The following ZNF704 variants were observed in gnomAD, a reference collection of about 807,000 sequenced individuals.
ZNF704 encodes the protein zinc finger protein 704, also known as glucocorticoid induced gene 1.
A neutral mutation model predicts 44.7 loss-of-function variants in ZNF704; 10 were observed. The observed-to-expected ratio is 0.22, with a 90% CI of 0.14 to 0.38. The LOEUF is 0.38. Among genes scored for constraint, ZNF704 ranks in the 10% least tolerant of loss-of-function variants. The pLI, the probability that ZNF704 is intolerant of heterozygous loss-of-function variation, is 1.00. For synonymous variants in ZNF704, 211 were observed against 207.6 expected (o/e 1.02, Z -0.14); for missense variants, 390 against 545.5 (o/e 0.71, Z 2.84).
chr8:80,870,748 A>G (rs1273950691), intron 1 of ZNF704, among the ~76,000 whole-genome samples: 1 of 151,868 alleles, frequency 6.6e-6, no homozygotes, highest in Non-Finnish European at 1.5e-5. Flanking sequence ...GCACTCCCTT[A>G]AAGCCCCCAG....
At chr8:80,718,164 A>G (rs1819100974) in intron 2 of ZNF704, among the ~76,000 whole-genome samples, 1 of 150,918 alleles carries the variant, frequency 6.6e-6, no homozygotes, top group Non-Finnish European at 1.5e-5. Context: ...TCTTTGTGGT[A>G]CTCACTCTAT....
At chr8:80,735,328 C>T (rs1400024314) in intron 2 of ZNF704, among the ~76,000 whole-genome samples, 1 of 152,194 alleles carries the variant, frequency 6.6e-6, no homozygotes, top group Non-Finnish European at 1.5e-5. Flanking sequence ...CAAATGCTAC[C>T]TTCTCCTACA....
At chr8:80,816,483 C>G (rs1808178763) in intron 2 of ZNF704, among the ~76,000 whole-genome samples, 1 of 152,168 alleles carries the variant, frequency 6.6e-6, no homozygotes, top group African/African-American at 2.4e-5. Context: ...ATGGATGAAC[C>G]TTTCAAACAT....
intron 2 of ZNF704, among the ~76,000 whole-genome samples, chr8:80,762,324 G>C (rs1202609984): frequency 2.0e-5 from 3 of 152,162 alleles, no homozygotes; most frequent in Non-Finnish European, 2.9e-5. Flanking sequence ...ATTTATAAAG[G>C]AAAGAGGTTT....
In ZNF704 at chr8:80,659,605, C is replaced by A. The variant is rs1049030695; in HGVS notation, c.1012G>T (p.Val338Phe). The change falls in exon 7 of 9, where the codon GTC becomes TTC. Residue 338 changes from valine (V) to phenylalanine (F), a missense_variant. Around this residue, in one of 3 missense-constraint regions of ZNF704, gnomAD observed 305 missense variants for 435.7 expected, o/e 0.70. Transcript: ENST00000327835. ...SFSISWQSPP[V>F]TFTGIPVSPT... ...CTTACTGGGATGCCTGTGAAAGTGACCGGAGGAGATTGCCAGGAAATGCTG... is the reference window on the plus strand; with the variant it reads ...CTTACTGGGATGCCTGTGAAAGTGAACGGAGGAGATTGCCAGGAAATGCTG... The A allele has an allele frequency of 1.2e-6, 2 of 1,613,828 alleles. No individual in the cohort carries two copies. The highest frequency in any genetic ancestry group is 1.7e-6 in the Non-Finnish European group (2 of 1,179,872).
chr8:80,702,841 C>A (rs963197618), intron 2 of ZNF704, among the ~76,000 whole-genome samples: 1 of 151,928 alleles, frequency 6.6e-6, no homozygotes, highest in Non-Finnish European at 1.5e-5. Context: ...TCGGAAATGG[C>A]GAGGCTGATG....
At chr8:80,666,212 G>A (rs1818192082) in intron 5 of ZNF704, among the ~76,000 whole-genome samples, 1 of 145,942 alleles carries the variant, frequency 6.9e-6, no homozygotes, top group African/African-American at 2.6e-5. Flanking sequence ...AGAATATGCA[G>A]TGTTTGGTTT....
chr8:80,666,378 G>C (rs1818195005), intron 5 of ZNF704, among the ~76,000 whole-genome samples: 1 of 151,826 alleles, frequency 6.6e-6, no homozygotes, highest in Admixed American at 6.6e-5. Flanking sequence ...TGGACATTTG[G>C]GTTTATTCCA....
chr8:80,687,572 C>T (rs548748980), intron 3 of ZNF704, 114 bp from the exon 4 acceptor site: 1 of 710,190 alleles, frequency 1.4e-6, no homozygotes, highest in South Asian at 2.1e-5. Context: ...CCCTCTCAAT[C>T]ATCTGCAACA....
intron 7 of ZNF704, among the ~76,000 whole-genome samples, chr8:80,651,580 A>G (rs1817920593): frequency 6.6e-6 from 1 of 152,246 alleles, no homozygotes; most frequent in Admixed American, 6.5e-5. Flanking sequence ...AGGCCATTAC[A>G]TAATGGTGAA....
At chr8:80,669,540 T>C (rs561381490) in intron 5 of ZNF704, among the ~76,000 whole-genome samples, 3 of 152,326 alleles carry the variant, frequency 2.0e-5, no homozygotes, top group East Asian at 1.9e-4. Context: ...GCCACCCTCA[T>C]AGATTACCTT....
chr8:80,878,571 A>G (rs928970080), upstream of ZNF704, among the ~76,000 whole-genome samples: 2 of 152,222 alleles, frequency 1.3e-5, no homozygotes, highest in African/African-American at 2.4e-5. Flanking sequence ...TGAAAGTAAG[A>G]TTAGCTTAGT....
intron 4 of ZNF704, among the ~76,000 whole-genome samples, chr8:80,684,565 T>C (rs577714966): frequency 1.3e-5 from 2 of 152,292 alleles, no homozygotes; most frequent in African/African-American, 4.8e-5. Context: ...TAAGATGAAC[T>C]CAGAAAGTTC....
At chr8:80,752,635 G>A (rs967845496) in intron 2 of ZNF704, among the ~76,000 whole-genome samples, 2 of 152,008 alleles carry the variant, frequency 1.3e-5, no homozygotes, top group South Asian at 2.1e-4. Context: ...TCCACCTCCC[G>A]GGTTCAAGTG....
At chr8:80,755,521 A>G (rs1807020293) in intron 2 of ZNF704, among the ~76,000 whole-genome samples, 1 of 152,192 alleles carries the variant, frequency 6.6e-6, no homozygotes, top group South Asian at 2.1e-4. Context: ...GAAAACAGAC[A>G]TGACTACTGA....
chr8:80,663,459 A>G (rs1818133630), intron 6 of ZNF704, among the ~76,000 whole-genome samples: 1 of 151,838 alleles, frequency 6.6e-6, no homozygotes, highest in African/African-American at 2.4e-5. Flanking sequence ...GTCTTCTCAG[A>G]CTTTAGCATG....
intron 1 of ZNF704, among the ~76,000 whole-genome samples, chr8:80,832,210 T>G (rs187840394): frequency 6.6e-6 from 1 of 152,290 alleles, no homozygotes; most frequent in African/African-American, 2.4e-5. Flanking sequence ...TTGGGGAAAT[T>G]GCCATTTTTT....
upstream of ZNF704, among the ~76,000 whole-genome samples, chr8:80,875,931 A>C (rs1182163584): frequency 6.6e-6 from 1 of 152,152 alleles, no homozygotes; most frequent in Non-Finnish European, 1.5e-5. Context: ...CTCTCATTAT[A>C]ATCATTTGAG....
At chr8:80,821,272 A>C (rs1324320502) in intron 2 of ZNF704, 102 bp downstream of exon 2, 13 of 1,238,672 alleles carry the variant, frequency 1.0e-5, no homozygotes, top group African/African-American at 1.5e-5. Flanking sequence ...AAAACCTTTC[A>C]TATGTCTATA....
Sources: gnomAD v4.1 joint callset for allele counts (sites outside exome capture counted in the v4.1 genomes callset) on GRCh38, gnomAD v4.1.1 for gene constraint, gnomAD v4.1.1 regional missense constraint, MANE v1.5 for transcripts, NCBI Gene and HGNC (gene_info 2026-07-23, HGNC 2026-07-21) for gene names.